Variants in ITGBL1 observed in about 807,000 individuals in gnomAD.
ITGBL1 encodes integrin subunit beta like 1.
Under a neutral mutation model 68.5 loss-of-function variants are expected in ITGBL1, and 51 were observed. The ratio of observed to expected loss-of-function variants is 0.74; its 90% CI spans 0.59 to 0.94. ITGBL1 has a LOEUF of 0.94. Ranked by LOEUF, ITGBL1 falls within the 40% of genes least tolerant of loss-of-function variation. The pLI is 0.00. For synonymous variants in ITGBL1, 209 were observed against 227.3 expected (o/e 0.92, Z 0.72); for missense variants, 649 against 647.4 (o/e 1.00, Z -0.03).
At chr13:101,618,826 T>C (rs2031473057) in intron 7 of ITGBL1, among the ~76,000 whole-genome samples, 1 of 152,148 alleles carries the variant, frequency 6.6e-6, no homozygotes, top group East Asian at 1.9e-4. Flanking sequence ...CAAGAAAGAT[T>C]AAAGGCTTTT....
At chr13:101,510,356 T>C (rs1039629415) in intron 2 of ITGBL1, among the ~76,000 whole-genome samples, 17 of 152,214 alleles carry the variant, frequency 1.1e-4, no homozygotes, top group African/African-American at 4.1e-4. Context: ...TTTTTTATGG[T>C]TGTGTAGTAT....
chr13:101,604,881 T>TACACACACACACACAC (rs1292236214), intron 7 of ITGBL1, among the ~76,000 whole-genome samples: 6 of 14,272 alleles, frequency 4.2e-4, no homozygotes, highest in Non-Finnish European at 6.7e-4. Context: ...TATATATATA[T>TACACACACACACACAC]ATATATACAC....
At chr13:101,677,988 C>T (rs906411949) in intron 7 of ITGBL1, among the ~76,000 whole-genome samples, 4 of 152,048 alleles carry the variant, frequency 2.6e-5, no homozygotes, top group Admixed American at 2.0e-4. Context: ...ATTGATACGA[C>T]CTTATTTTTG....
At chr13:101,670,443 A>G (rs1387154745) in intron 7 of ITGBL1, among the ~76,000 whole-genome samples, 3 of 152,166 alleles carry the variant, frequency 2.0e-5, no homozygotes, top group African/African-American at 4.8e-5. Context: ...ATAATTCCCT[A>G]TGCTTTATGT....
intron 2 of ITGBL1, among the ~76,000 whole-genome samples, chr13:101,536,821 C>T (rs1317013245): frequency 6.6e-6 from 1 of 151,936 alleles, no homozygotes; most frequent in Non-Finnish European, 1.5e-5. Flanking sequence ...TTACTATAAT[C>T]TCATATTAAT....
intron 7 of ITGBL1, among the ~76,000 whole-genome samples, chr13:101,660,044 C>T (rs1240450417): frequency 6.6e-6 from 1 of 152,132 alleles, no homozygotes; most frequent in Non-Finnish European, 1.5e-5. Flanking sequence ...TTAGGAGCCT[C>T]CTTGACCTCC....
At position 101,621,598 on chromosome 13, in the gene ITGBL1, T is replaced by G. The variant is rs187739764; in HGVS notation, c.1015+23299T>G. The stretch of plus-strand genomic sequence containing the variant: ...TAGCCATTGAAAAAGGTTCCCACAC[T>G]CTAGAATTTTTATTCCACCTTTTAA... On this transcript the variant is annotated intron_variant, in intron 7 of 10. Coordinates refer to ENST00000376180, the MANE Select transcript of ITGBL1 (RefSeq NM_004791.3). Among the ~76,000 whole-genome samples, 10 of 152,274 alleles carry G rather than the reference T, an allele frequency of 6.6e-5. No individual in the cohort carries two copies. The East Asian group carries it at 1.9e-3, about 29-fold the overall frequency.
downstream of ITGBL1, chr13:101,720,855 T>G (rs1229405354): frequency 6.6e-6 from 1 of 152,158 alleles, no homozygotes; most frequent in East Asian, 1.9e-4. Flanking sequence ...TACTCAAACG[T>G]TCTGCTAACT....
chr13:101,663,088 G>C (rs1264034079), intron 7 of ITGBL1, among the ~76,000 whole-genome samples: 1 of 151,958 alleles, frequency 6.6e-6, no homozygotes, highest in Non-Finnish European at 1.5e-5. Flanking sequence ...ACCACAAGCA[G>C]CTTTGTTTCT....
chr13:101,618,433 A>G (rs2031452643), intron 7 of ITGBL1, among the ~76,000 whole-genome samples: 3 of 152,216 alleles, frequency 2.0e-5, no homozygotes, highest in Admixed American at 2.0e-4. Flanking sequence ...TGCTGAGCAT[A>G]TAAGAAAACT....
downstream of ITGBL1, chr13:101,718,420 A>G (rs1266601405): frequency 6.6e-6 from 1 of 152,152 alleles, no homozygotes; most frequent in Admixed American, 6.6e-5. Context: ...GGGCAAGAAC[A>G]AACTTACTTG....
chr13:101,548,323 C>T (rs1314474544), intron 2 of ITGBL1, among the ~76,000 whole-genome samples: 1 of 151,782 alleles, frequency 6.6e-6, no homozygotes, highest in African/African-American at 2.4e-5. Flanking sequence ...GGTGTCAGTA[C>T]AAAAGAGGGA....
intron 7 of ITGBL1, among the ~76,000 whole-genome samples, chr13:101,688,153 T>C (rs958818946): frequency 2.0e-5 from 3 of 152,182 alleles, no homozygotes; most frequent in Non-Finnish European, 4.4e-5. Flanking sequence ...TCTACTACAT[T>C]AAGGGAGAAC....
chr13:101,670,803 T>A lies in ITGBL1; in HGVS notation c.1016-21782T>A, dbSNP rs1204639311. ...AATATGTTGGGTTGTCTGGTAAGCA[T>A]TGTCTAATAATAGAGTGATGCCAAA... On this transcript the variant is annotated intron_variant, in intron 7 of 10. Transcript: ENST00000376180. 7.2e-5 allele frequency among the ~76,000 whole-genome samples: 11 copies of A among 152,332 alleles called. No homozygotes were observed. In the East Asian group the frequency reaches 2.1e-3, roughly 29 times the overall value.
In ITGBL1 at chr13:101,576,114, A is replaced by G. The variant is rs1348588015; in HGVS notation, c.586+568A>G. On this transcript the variant is annotated intron_variant, in intron 4 of 10. Coordinates refer to ENST00000376180, the MANE Select transcript of ITGBL1 (RefSeq NM_004791.3). Reference sequence around the variant, plus strand: ...ACAAATTCTGCAATAAGTGCTTTACATTCATTATGTTTTGTCTCACAACAT... The same window carrying G: ...ACAAATTCTGCAATAAGTGCTTTACGTTCATTATGTTTTGTCTCACAACAT... 4.6e-5 allele frequency among the ~76,000 whole-genome samples: 7 copies of G among 152,284 alleles called. No homozygotes were observed. In the South Asian group the frequency reaches 1.0e-3, roughly 23 times the overall value.
At chr13:101,481,638 C>T (rs899710274) in intron 2 of ITGBL1, among the ~76,000 whole-genome samples, 36 of 152,104 alleles carry the variant, frequency 2.4e-4, no homozygotes, top group South Asian at 6.2e-4. Flanking sequence ...GGAACACCCA[C>T]GCCCATCATG....
chr13:101,706,615 A>G (rs775399608), intron 8 of ITGBL1, 141 bp from the exon 9 acceptor site: 91 of 768,410 alleles, frequency 1.2e-4, no homozygotes, highest in Non-Finnish European at 1.7e-4. Context: ...AAACAATTAC[A>G]TGCCAAATTG....
chr13:101,704,945 T>G (rs2034222194), intron 8 of ITGBL1, among the ~76,000 whole-genome samples: 1 of 152,222 alleles, frequency 6.6e-6, no homozygotes, highest in Non-Finnish European at 1.5e-5. Flanking sequence ...TTTTTCCTTT[T>G]TTGCTAACCT....
At chr13:101,646,316 T>TA (rs144094774) in intron 7 of ITGBL1, among the ~76,000 whole-genome samples, 20,120 of 151,092 alleles carry the variant, frequency 0.13, 1,975 homozygotes, top group African/African-American at 0.28. Flanking sequence ...GTATTTCAGT[T>TA]AAAAAAAAAT....
Sources: gnomAD v4.1 joint callset for allele counts (sites outside exome capture counted in the v4.1 genomes callset) on GRCh38, gnomAD v4.1.1 for gene constraint, MANE v1.5 for transcripts, NCBI Gene and HGNC (gene_info 2026-07-23, HGNC 2026-07-21) for gene names.